CMSS1: variants seen among roughly 807,000 people sequenced by gnomAD.
CMSS1 encodes the protein cms1 ribosomal small subunit homolog, also known as protein CMSS1.
A neutral mutation model predicts 43.5 loss-of-function variants in CMSS1; 33 were observed. The observed-to-expected ratio is 0.76, with a 90% CI of 0.57 to 1.01. The LOEUF is 1.01. Ranked by LOEUF, CMSS1 falls within the 50% of genes least tolerant of loss-of-function variation. The pLI is 0.00. For missense variants in CMSS1, 313 were observed against 326.4 expected (o/e 0.96, Z 0.32); for synonymous variants, 115 against 117.2 (o/e 0.98, Z 0.12).
intron 1 of CMSS1, among the ~76,000 whole-genome samples, chr3:99,822,872 C>T (rs2107475469): frequency 6.6e-6 from 1 of 152,206 alleles, no homozygotes; most frequent in South Asian, 2.1e-4. Context: ...GCGGTAGTTA[C>T]TGTTGTTATC....
intron 1 of CMSS1, among the ~76,000 whole-genome samples, chr3:99,868,853 A>G (rs570474643): frequency 6.6e-6 from 1 of 152,306 alleles, no homozygotes; most frequent in South Asian, 2.1e-4. Context: ...AAGTCCCCAC[A>G]GCCCTTACAG....
At chr3:99,984,990 C>T (rs1034530493) in intron 1 of CMSS1, among the ~76,000 whole-genome samples, 3 of 152,034 alleles carry the variant, frequency 2.0e-5, no homozygotes, top group Non-Finnish European at 4.4e-5. Context: ...TGAGATAACT[C>T]GTGTTAAAAA....
intron 1 of CMSS1, chr3:99,850,751 T>C (rs745752948): frequency 6.2e-7 from 1 of 1,614,192 alleles, no homozygotes; most frequent in South Asian, 1.1e-5. Context: ...TTCGCCATAA[T>C]TGTGTCTTGG....
chr3:99,913,853 T>G (rs1351120234), intron 1 of CMSS1, among the ~76,000 whole-genome samples: 1 of 152,234 alleles, frequency 6.6e-6, no homozygotes, highest in Non-Finnish European at 1.5e-5. Context: ...ATCTTGCTAA[T>G]GCGTTTCTTC....
chr3:100,069,810 G>T (rs2065729944), intron 1 of CMSS1, among the ~76,000 whole-genome samples: 1 of 152,066 alleles, frequency 6.6e-6, no homozygotes, highest in Non-Finnish European at 1.5e-5. Flanking sequence ...ATTTGTGAGG[G>T]CATAAGCAGA....
chr3:99,979,750 C>T (rs1709066778), intron 1 of CMSS1, among the ~76,000 whole-genome samples: 1 of 152,084 alleles, frequency 6.6e-6, no homozygotes, highest in African/African-American at 2.4e-5. Context: ...TGGCATTGCT[C>T]TAGTATTGTA....
intron 1 of CMSS1, among the ~76,000 whole-genome samples, chr3:99,977,997 T>C (rs1220452951): frequency 6.6e-6 from 1 of 152,200 alleles, no homozygotes; most frequent in African/African-American, 2.4e-5. Flanking sequence ...TCTTTAAGAT[T>C]AATATTCTGT....
chr3:99,896,531 G>T (rs1373633330), intron 1 of CMSS1, among the ~76,000 whole-genome samples: 1 of 152,180 alleles, frequency 6.6e-6, no homozygotes, highest in Admixed American at 6.5e-5. Context: ...GTTCCCAAAA[G>T]AGAACGTAGT....
intron 1 of CMSS1, among the ~76,000 whole-genome samples, chr3:100,119,165 C>G (rs916847576): frequency 1.1e-4 from 17 of 152,248 alleles, no homozygotes; most frequent in African/African-American, 4.1e-4. Flanking sequence ...ACAATTATTA[C>G]TGCACATGTC....
chr3:99,818,667 A>T (rs1417880464), intron 1 of CMSS1, among the ~76,000 whole-genome samples: 1 of 152,246 alleles, frequency 6.6e-6, no homozygotes, highest in Non-Finnish European at 1.5e-5. Context: ...AATAGAGATC[A>T]TCCTTTGAAC....
chr3:99,918,267 C>T (rs891190567), intron 1 of CMSS1, among the ~76,000 whole-genome samples: 2 of 152,112 alleles, frequency 1.3e-5, no homozygotes, highest in African/African-American at 2.4e-5. Flanking sequence ...TGAGCCACCA[C>T]GCCCAGCCCC....
intron 1 of CMSS1, among the ~76,000 whole-genome samples, chr3:100,056,316 A>G (rs368335485): frequency 2.6e-5 from 4 of 152,294 alleles, no homozygotes; most frequent in Middle Eastern, 3.4e-3. Context: ...TCCTTCCATA[A>G]ATATTGTTAC....
At chr3:99,991,088 C>T (rs1345794265) in intron 1 of CMSS1, among the ~76,000 whole-genome samples, 1 of 152,114 alleles carries the variant, frequency 6.6e-6, no homozygotes, top group East Asian at 1.9e-4. Flanking sequence ...TCAGTCCTGA[C>T]ATAAGACCAA....
chr3:99,828,802 T>G (rs547843202), intron 1 of CMSS1, among the ~76,000 whole-genome samples: 2 of 152,168 alleles, frequency 1.3e-5, no homozygotes, highest in African/African-American at 2.4e-5. Flanking sequence ...CTCTTCCTGC[T>G]TTCCTTTCAC....
At chr3:99,940,758 C>G (rs148778117) in intron 1 of CMSS1, among the ~76,000 whole-genome samples, 1 of 152,326 alleles carries the variant, frequency 6.6e-6, no homozygotes, top group Non-Finnish European at 1.5e-5. Flanking sequence ...AATAGATCAC[C>G]CTGAGTGCCT....
intron 1 of CMSS1, among the ~76,000 whole-genome samples, chr3:99,862,104 A>G (rs1576523942): frequency 6.6e-6 from 1 of 152,248 alleles, no homozygotes; most frequent in East Asian, 1.9e-4. Context: ...AAAAATGATA[A>G]GTATGTAAGG....
chr3:99,863,075 C>G (rs1230194308), intron 1 of CMSS1, among the ~76,000 whole-genome samples: 1 of 152,106 alleles, frequency 6.6e-6, no homozygotes, highest in East Asian at 1.9e-4. Context: ...CTTTTTGGCA[C>G]CAGGGACCAG....
At chr3:99,878,106 G>A (rs1015701918) in intron 1 of CMSS1, among the ~76,000 whole-genome samples, 3 of 152,120 alleles carry the variant, frequency 2.0e-5, no homozygotes, top group Admixed American at 1.3e-4. Context: ...GTATGCCCTT[G>A]CCTGGTACAC....
chr3:100,028,916 CAT>C (rs991568004), intron 1 of CMSS1, among the ~76,000 whole-genome samples: 4 of 152,246 alleles, frequency 2.6e-5, no homozygotes, highest in African/African-American at 7.2e-5. Context: ...CACACACACA[CAT>C]ATAAACATAA....
Sources: gnomAD v4.1 joint callset for allele counts (sites outside exome capture counted in the v4.1 genomes callset) on GRCh38, gnomAD v4.1.1 for gene constraint, MANE v1.5 for transcripts, NCBI Gene and HGNC (gene_info 2026-07-23, HGNC 2026-07-21) for gene names.